Variants in TMEM178B observed in about 807,000 individuals in gnomAD.
TMEM178B encodes the protein transmembrane protein 178B.
TMEM178B carries 5 observed loss-of-function variants against 31.0 expected under a neutral mutation model. The observed-to-expected ratio is 0.16, with a 90% CI of 0.08 to 0.34. The LOEUF (loss-of-function observed/expected upper bound fraction) is 0.34, where lower values mean the gene tolerates loss of function less well. Among genes scored for constraint, TMEM178B ranks in the 10% least tolerant of loss-of-function variants. The pLI is 1.00. For missense variants in TMEM178B, 275 were observed against 400.3 expected, an observed-to-expected ratio of 0.69 and a Z score of 2.67; for synonymous variants, 164 against 164.0, an observed-to-expected ratio of 1.00 and a Z score of 0.00.
At chr7:141,510,474 T>G in the TMEM178B span, among the ~76,000 whole-genome samples, 1 of 151,344 alleles carries the variant, frequency 6.6e-6, no homozygotes, top group Non-Finnish European at 1.5e-5. Context: ...TTATCTGAGG[T>G]CGGGAGTTCA....
At chr7:141,494,872 G>T in the TMEM178B span, among the ~76,000 whole-genome samples, 1 of 152,266 alleles carries the variant, frequency 6.6e-6, no homozygotes, top group African/African-American at 2.4e-5. Flanking sequence ...TAAGATGTCT[G>T]GGATTTGCTT....
intron 1 of TMEM178B, among the ~76,000 whole-genome samples, chr7:141,092,706 A>C (rs765476035): frequency 6.6e-6 from 1 of 152,222 alleles, no homozygotes; most frequent in African/African-American, 2.4e-5. Flanking sequence ...ATAAATAAGT[A>C]AAACATATAA....
chr7:141,423,669 C>T (rs570544068), intron 2 of TMEM178B, among the ~76,000 whole-genome samples: 1 of 152,142 alleles, frequency 6.6e-6, no homozygotes, highest in East Asian at 1.9e-4. Context: ...GGTCTTCTAG[C>T]CTTGAGTTCA....
At chr7:141,166,103 C>A (rs1008339937) in intron 1 of TMEM178B, among the ~76,000 whole-genome samples, 1 of 152,194 alleles carries the variant, frequency 6.6e-6, no homozygotes, top group Non-Finnish European at 1.5e-5. Flanking sequence ...TCAAAGACAA[C>A]CAGCAGCATT....
intron 1 of TMEM178B, among the ~76,000 whole-genome samples, chr7:141,210,705 A>C (rs1797039535): frequency 6.6e-6 from 1 of 152,114 alleles, no homozygotes; most frequent in South Asian, 2.1e-4. Context: ...AGCCTTGTAA[A>C]CATCTTCTGT....
intron 2 of TMEM178B, among the ~76,000 whole-genome samples, chr7:141,254,104 A>G (rs1797882585): frequency 6.6e-6 from 1 of 152,208 alleles, no homozygotes; most frequent in Non-Finnish European, 1.5e-5. Flanking sequence ...AAAGTAGAAG[A>G]GAATCTTCCC....
At chr7:141,376,089 C>T (rs186929878) in intron 2 of TMEM178B, among the ~76,000 whole-genome samples, 41 of 152,330 alleles carry the variant, frequency 2.7e-4, no homozygotes, top group African/African-American at 9.6e-4. Flanking sequence ...CCCTTTTGAT[C>T]TTCCTTAATG....
At chr7:141,308,108 G>C (rs1053095558) in intron 2 of TMEM178B, among the ~76,000 whole-genome samples, 3 of 152,198 alleles carry the variant, frequency 2.0e-5, no homozygotes, top group Admixed American at 6.5e-5. Flanking sequence ...AGAAGCCGGG[G>C]AAGGAGGGAT....
chr7:141,192,711 C>T (rs1251187249), intron 1 of TMEM178B, among the ~76,000 whole-genome samples: 1 of 152,126 alleles, frequency 6.6e-6, no homozygotes, highest in Non-Finnish European at 1.5e-5. Flanking sequence ...GGTGATCCAC[C>T]CAGCTCAGCC....
At chr7:141,348,939 G>C (rs1312862486) in intron 2 of TMEM178B, among the ~76,000 whole-genome samples, 2 of 152,176 alleles carry the variant, frequency 1.3e-5, no homozygotes, top group African/African-American at 2.4e-5. Flanking sequence ...TCATGACTGG[G>C]TAACGGCGGC....
chr7:141,286,753 A>G (rs1053955772), intron 2 of TMEM178B, among the ~76,000 whole-genome samples: 1 of 152,198 alleles, frequency 6.6e-6, no homozygotes, highest in Admixed American at 6.5e-5. Flanking sequence ...AGTCCTCCAG[A>G]GTTTGTTGTG....
chr7:141,442,909 G>A (rs1801687511), intron 3 of TMEM178B, among the ~76,000 whole-genome samples: 1 of 152,206 alleles, frequency 6.6e-6, no homozygotes, highest in Non-Finnish European at 1.5e-5. Flanking sequence ...TGGATTTTCT[G>A]TGGAAAGTCC....
intron 2 of TMEM178B, among the ~76,000 whole-genome samples, chr7:141,424,206 G>T (rs770934339): frequency 3.3e-5 from 5 of 152,062 alleles, no homozygotes; most frequent in Non-Finnish European, 5.9e-5. Context: ...CAGACAACAG[G>T]TACTCAGGGA....
At chr7:141,396,235 C>G (rs542255570) in intron 2 of TMEM178B, among the ~76,000 whole-genome samples, 1 of 152,272 alleles carries the variant, frequency 6.6e-6, no homozygotes, top group African/African-American at 2.4e-5. Context: ...AAGTTGTTCC[C>G]AGTCTTCTTG....
At chr7:141,241,964 G>T (rs750590769) in intron 2 of TMEM178B, among the ~76,000 whole-genome samples, 2 of 151,620 alleles carry the variant, frequency 1.3e-5, no homozygotes, top group South Asian at 4.2e-4. Flanking sequence ...TCTGAATTTG[G>T]GTGCTACATT....
intron 2 of TMEM178B, among the ~76,000 whole-genome samples, chr7:141,320,324 G>T (rs903337105): frequency 6.6e-6 from 1 of 152,112 alleles, no homozygotes; most frequent in Admixed American, 6.5e-5. Flanking sequence ...ATATTAAGGG[G>T]CTCAGCACAA....
chr7:141,326,114 A>T (rs1043798196), intron 2 of TMEM178B, among the ~76,000 whole-genome samples: 1 of 152,200 alleles, frequency 6.6e-6, no homozygotes, highest in African/African-American at 2.4e-5. Flanking sequence ...TCTACCATGC[A>T]TTCACCACTG....
rs1462816313 is a variant in TMEM178B at position 141,318,862 on chromosome 7, A to G, written c.496+106158A>G. On this transcript the variant is annotated intron_variant, in intron 2 of 3. Transcript: ENST00000565468. The surrounding 1 kb of genome is among the most constrained non-coding windows in gnomAD (Gnocchi z 4.1). ...TCCCATGTTGTCTCAATTCAGTTAA[A>G]GAGATCTTTTTTTAACCATATGTGC... is the stretch of plus-strand genomic sequence containing the variant. 6.6e-6 allele frequency among the ~76,000 whole-genome samples: 1 copy of G among 152,252 alleles called. No individual in the cohort carries two copies. Among genetic ancestry groups the G allele is most frequent in the Non-Finnish European group, 1.5e-5 (1 of 68,042 alleles).
intron 2 of TMEM178B, among the ~76,000 whole-genome samples, chr7:141,291,820 C>G (rs979749322): frequency 1.3e-5 from 2 of 152,058 alleles, no homozygotes; most frequent in African/African-American, 4.8e-5. Flanking sequence ...TTGAGACCAT[C>G]ATGAGGCAAC....
Sources: allele counts gnomAD v4.1 joint callset (sites outside exome capture counted in the v4.1 genomes callset), GRCh38; gene constraint gnomAD v4.1.1; non-coding constraint Gnocchi (gnomAD v3.1); transcripts MANE v1.5; gene names NCBI Gene and HGNC (gene_info 2026-07-23, HGNC 2026-07-21).